Variants in ETV6 observed in about 807,000 individuals in gnomAD.
ETV6 encodes the protein transcription factor ETV6.
A neutral mutation model predicts 51.1 loss-of-function variants in ETV6; 16 were observed. That is an observed-to-expected ratio of 0.31 (90% CI 0.21 to 0.48). The LOEUF (loss-of-function observed/expected upper bound fraction) is 0.48, where lower values mean the gene tolerates loss of function less well. Among genes scored for constraint, ETV6 ranks in the 20% least tolerant of loss-of-function variants. The probability of loss-of-function intolerance (pLI) is 0.99; values close to 1 mark genes in which losing one functional copy is unlikely to be tolerated. For missense variants in ETV6, 458 were observed against 594.8 expected (o/e 0.77, Z 2.39); for synonymous variants, 240 against 224.1 (o/e 1.07, Z -0.64).
chr12:11,700,844 T>C (rs148309782), intron 1 of ETV6, among the ~76,000 whole-genome samples: 1 of 152,058 alleles, frequency 6.6e-6, no homozygotes, highest in Non-Finnish European at 1.5e-5. Flanking sequence ...CAGTGTAAAT[T>C]TACTGAAAAA....
intron 1 of ETV6, among the ~76,000 whole-genome samples, chr12:11,743,927 G>A (rs1031825270): frequency 6.6e-6 from 1 of 152,196 alleles, no homozygotes; most frequent in African/African-American, 2.4e-5. Context: ...GGTTTACGAA[G>A]AGGCAAAGAA....
chr12:11,669,452 C>T (rs1864269107), intron 1 of ETV6, among the ~76,000 whole-genome samples: 1 of 137,200 alleles, frequency 7.3e-6, no homozygotes, highest in South Asian at 2.4e-4. Context: ...TCTTTTCTCT[C>T]TTTTCTTTCT....
chr12:11,804,858 C>G (rs1945805577), intron 2 of ETV6, among the ~76,000 whole-genome samples: 1 of 152,134 alleles, frequency 6.6e-6, no homozygotes, highest in African/African-American at 2.4e-5. Flanking sequence ...ATGGGAGACT[C>G]CAGAGTCTTT....
At chr12:11,759,280 A>G (rs1017529858) in intron 2 of ETV6, among the ~76,000 whole-genome samples, 2 of 151,998 alleles carry the variant, frequency 1.3e-5, no homozygotes, top group African/African-American at 2.4e-5. Flanking sequence ...GTCAGCTCTG[A>G]CAAAGTGGCC....
intron 5 of ETV6, among the ~76,000 whole-genome samples, chr12:11,872,251 G>A (rs145071760): frequency 6.6e-6 from 1 of 152,272 alleles, no homozygotes; most frequent in East Asian, 1.9e-4. Flanking sequence ...CCCCATGACC[G>A]AGGTGTGCAG....
At chr12:11,760,876 A>ATGTGTGTGTGTGTG (rs1285515591) in intron 2 of ETV6, among the ~76,000 whole-genome samples, 3 of 71,852 alleles carry the variant, frequency 4.2e-5, no homozygotes, top group Non-Finnish European at 1.0e-4. Flanking sequence ...ATTATTATAT[A>ATGTGTGTGTGTGTG]TATGTGTGTG....
chr12:11,719,546 G>A (rs1865343039), intron 1 of ETV6, among the ~76,000 whole-genome samples: 1 of 152,242 alleles, frequency 6.6e-6, no homozygotes, highest in Non-Finnish European at 1.5e-5. Context: ...CAGCTGACAA[G>A]TAATAAAGCA....
At chr12:11,747,043 A>T (rs1173669842) in intron 1 of ETV6, among the ~76,000 whole-genome samples, 2 of 152,126 alleles carry the variant, frequency 1.3e-5, no homozygotes, top group Non-Finnish European at 2.9e-5. Context: ...AGACTGGTGA[A>T]GCGGGCTCCT....
intron 2 of ETV6, among the ~76,000 whole-genome samples, chr12:11,754,542 G>A (rs1342773057): frequency 6.6e-6 from 1 of 152,180 alleles, no homozygotes; most frequent in Non-Finnish European, 1.5e-5. Context: ...TTAACTTTTA[G>A]CTAGTTCTGC....
intron 2 of ETV6, among the ~76,000 whole-genome samples, chr12:11,829,767 T>C (rs1481418168): frequency 6.6e-6 from 1 of 152,210 alleles, no homozygotes; most frequent in African/African-American, 2.4e-5. Flanking sequence ...TTCTTGGACT[T>C]TGGGCTGAAA....
intron 1 of ETV6, among the ~76,000 whole-genome samples, chr12:11,660,291 G>T (rs1389197111): frequency 6.6e-6 from 1 of 152,184 alleles, no homozygotes; most frequent in Non-Finnish European, 1.5e-5. Flanking sequence ...ACAGGAGGAA[G>T]TATTATGGAG....
intron 1 of ETV6, among the ~76,000 whole-genome samples, chr12:11,679,238 C>A (rs1187070952): frequency 6.6e-6 from 1 of 151,388 alleles, no homozygotes; most frequent in African/African-American, 2.4e-5. Flanking sequence ...ATTTTTTTTT[C>A]TTTACCCACC....
chr12:11,738,213 CTT>C (rs1565505620), intron 1 of ETV6, among the ~76,000 whole-genome samples: 13 of 143,050 alleles, frequency 9.1e-5, no homozygotes, highest in African/African-American at 2.7e-4. Flanking sequence ...TCCTTCCTTC[CTT>C]CCTTCCTTCC....
intron 1 of ETV6, among the ~76,000 whole-genome samples, chr12:11,748,283 G>A (rs375243123): frequency 2.0e-5 from 3 of 152,170 alleles, no homozygotes; most frequent in Non-Finnish European, 4.4e-5. Context: ...CCATCACTGG[G>A]GGCAGTCCTG....
intron 2 of ETV6, among the ~76,000 whole-genome samples, chr12:11,835,865 T>A (rs576786924): frequency 6.3e-4 from 96 of 152,316 alleles, no homozygotes; most frequent in African/African-American, 2.1e-3. Flanking sequence ...GGAACCAGAT[T>A]GCCTGGGTTC....
chr12:11,876,514 T>C lies in ETV6; in HGVS notation c.1009+6545T>C, dbSNP rs74060895. On this transcript the variant is annotated intron_variant, in intron 5 of 7. Transcript: ENST00000396373. ...TTCTCTTAAAGTACTTTAATTCCGT[T>C]AAAACCTGAGCCACCAGATTTCCTG... Among the ~76,000 whole-genome samples the C allele has an allele frequency of 5.2e-3, 792 of 152,338 alleles. 9 individuals are homozygous for C. Among genetic ancestry groups the C allele is most frequent in the African/African-American group, 0.018 (752 of 41,580 alleles).
At chr12:11,838,387 C>T (rs1946344959) in intron 2 of ETV6, among the ~76,000 whole-genome samples, 1 of 152,194 alleles carries the variant, frequency 6.6e-6, no homozygotes, top group Admixed American at 6.5e-5. Flanking sequence ...CCCAGAGAGC[C>T]AACCTGAGCC....
intron 4 of ETV6, among the ~76,000 whole-genome samples, chr12:11,865,844 C>T (rs1946784011): frequency 6.6e-6 from 1 of 151,426 alleles, no homozygotes; most frequent in Admixed American, 6.6e-5. Flanking sequence ...TATGGTGTAC[C>T]TGGGTGTGGT....
chr12:11,715,180 C>T (rs993803258), intron 1 of ETV6, among the ~76,000 whole-genome samples: 23 of 152,224 alleles, frequency 1.5e-4, no homozygotes, highest in African/African-American at 4.3e-4. Flanking sequence ...CACGATATTA[C>T]GGAAATATAG....
Sources: gnomAD v4.1 joint callset for allele counts (sites outside exome capture counted in the v4.1 genomes callset) on GRCh38, gnomAD v4.1.1 for gene constraint, MANE v1.5 for transcripts, NCBI Gene and HGNC (gene_info 2026-07-23, HGNC 2026-07-21) for gene names.